The following CSMD1 variants were observed in gnomAD, a reference collection of about 807,000 sequenced individuals.
CSMD1 encodes CUB and sushi domain-containing protein 1.
CSMD1 carries 213 observed loss-of-function variants against 417.5 expected under a neutral mutation model. The observed-to-expected ratio is 0.51, with a 90% CI of 0.46 to 0.57. CSMD1 has a LOEUF of 0.57. CSMD1 is among the 20% of genes least tolerant of loss of function. The pLI is 0.00. For synonymous variants in CSMD1, 2,862 were observed against 1,736.8 expected (o/e 1.65, Z -16.11); for missense variants, 6,923 against 4,529.7 (o/e 1.53, Z -15.17).
intron 20 of CSMD1, among the ~76,000 whole-genome samples, chr8:3,365,578 G>A (rs766918784): frequency 1.9e-4 from 29 of 152,290 alleles, no homozygotes; most frequent in Non-Finnish European, 3.5e-4. Context: ...AAAAACACAT[G>A]CAGACGAACC....
At chr8:4,857,778 T>C (rs1361863424) in intron 1 of CSMD1, among the ~76,000 whole-genome samples, 1 of 151,906 alleles carries the variant, frequency 6.6e-6, no homozygotes, top group South Asian at 2.1e-4. Context: ...ATCAATAGCT[T>C]ACCAACCAAA....
intron 1 of CSMD1, among the ~76,000 whole-genome samples, chr8:4,743,382 T>C (rs563236673): frequency 5.7e-4 from 87 of 152,226 alleles, no homozygotes; most frequent in African/African-American, 1.9e-3. Flanking sequence ...GGATGGAAAT[T>C]ATCATCATGA....
intron 2 of CSMD1, among the ~76,000 whole-genome samples, chr8:4,538,401 G>C (rs945063989): frequency 6.6e-6 from 1 of 151,984 alleles, no homozygotes; most frequent in African/African-American, 2.4e-5. Flanking sequence ...CAAGCACTTT[G>C]GGAGGCCGAG....
chr8:4,158,325 C>G (rs934620827), intron 3 of CSMD1, among the ~76,000 whole-genome samples: 1 of 152,022 alleles, frequency 6.6e-6, no homozygotes, highest in African/African-American at 2.4e-5. Context: ...ATGCAATCAT[C>G]TCTACTGCAA....
intron 5 of CSMD1, among the ~76,000 whole-genome samples, chr8:3,769,520 T>C (rs1179422637): frequency 6.7e-6 from 1 of 149,862 alleles, no homozygotes; most frequent in Non-Finnish European, 1.5e-5. Context: ...AAATATAATA[T>C]CATTAAAATT....
chr8:3,745,296 C>A (rs1048731115), intron 6 of CSMD1, among the ~76,000 whole-genome samples: 1 of 152,182 alleles, frequency 6.6e-6, no homozygotes, highest in East Asian at 1.9e-4. Flanking sequence ...CAGGAAAGAA[C>A]ATGATGGTCA....
chr8:3,654,695 G>A (rs902646532), intron 7 of CSMD1, among the ~76,000 whole-genome samples: 1 of 152,194 alleles, frequency 6.6e-6, no homozygotes, highest in South Asian at 2.1e-4. Flanking sequence ...ATTCGGGTCA[G>A]AGCCAGCACA....
chr8:4,129,520 C>T (rs1454997413), intron 3 of CSMD1, among the ~76,000 whole-genome samples: 1 of 152,126 alleles, frequency 6.6e-6, no homozygotes, highest in Non-Finnish European at 1.5e-5. Context: ...TTTGCCAGGG[C>T]ATAGGAATCC....
intron 5 of CSMD1, among the ~76,000 whole-genome samples, chr8:3,911,216 C>T (rs781374994): frequency 6.6e-6 from 1 of 152,154 alleles, no homozygotes; most frequent in Non-Finnish European, 1.5e-5. Context: ...CAGCATCTCT[C>T]TTGAATGCTC....
intron 5 of CSMD1, among the ~76,000 whole-genome samples, chr8:3,942,286 T>C (rs1454495537): frequency 6.6e-6 from 1 of 152,120 alleles, no homozygotes; most frequent in East Asian, 1.9e-4. Flanking sequence ...GCTTGAATCA[T>C]CCTGAAACCA....
intron 1 of CSMD1, among the ~76,000 whole-genome samples, chr8:4,908,225 C>A (rs1426036625): frequency 6.6e-6 from 1 of 152,146 alleles, no homozygotes; most frequent in Non-Finnish European, 1.5e-5. Flanking sequence ...AAATTTGCTG[C>A]AGTGTTTATA....
chr8:4,016,540 G>T (rs942835903), intron 4 of CSMD1, among the ~76,000 whole-genome samples: 5 of 152,104 alleles, frequency 3.3e-5, no homozygotes, highest in African/African-American at 1.2e-4. Flanking sequence ...GCTATGAGAA[G>T]GAAAGAGGAG....
chr8:3,075,970 G>T (rs1813645613), intron 49 of CSMD1, among the ~76,000 whole-genome samples: 1 of 151,196 alleles, frequency 6.6e-6, no homozygotes, highest in Non-Finnish European at 1.5e-5. Context: ...AGAATGGCAT[G>T]AACCTGGGAG....
intron 2 of CSMD1, among the ~76,000 whole-genome samples, chr8:4,526,787 T>C (rs1192047344): frequency 6.6e-6 from 1 of 152,206 alleles, no homozygotes; most frequent in African/African-American, 2.4e-5. Flanking sequence ...CAACCTGAAT[T>C]TTCTTTCAAG....
intron 50 of CSMD1, among the ~76,000 whole-genome samples, chr8:3,031,957 T>C (rs1031013787): frequency 1.3e-4 from 17 of 133,780 alleles, no homozygotes; most frequent in African/African-American, 5.3e-4. Flanking sequence ...TTAGACACTA[T>C]ATGTGTGTAT....
At chr8:4,552,035 T>C (rs1276068197) in intron 2 of CSMD1, among the ~76,000 whole-genome samples, 3 of 152,126 alleles carry the variant, frequency 2.0e-5, no homozygotes, top group Non-Finnish European at 4.4e-5. Flanking sequence ...CTTTAACAGT[T>C]TAATTTCAAA....
chr8:3,318,039 G>T (rs985926922), intron 23 of CSMD1, among the ~76,000 whole-genome samples: 2 of 152,154 alleles, frequency 1.3e-5, no homozygotes, highest in African/African-American at 2.4e-5. Context: ...GGGTTCAAGT[G>T]ATCTGCCCAC....
intron 7 of CSMD1, among the ~76,000 whole-genome samples, chr8:3,621,558 C>T (rs1430665577): frequency 6.6e-6 from 1 of 151,958 alleles, no homozygotes; most frequent in Non-Finnish European, 1.5e-5. Context: ...ATATTTAAAG[C>T]CACAGAAATG....
At position 4,304,185 on chromosome 8, in the gene CSMD1, G is replaced by C. The variant is rs148928354; in HGVS notation, c.415+115768C>G. Among the ~76,000 whole-genome samples the C allele has an allele frequency of 4.6e-5, 7 of 152,242 alleles. No homozygotes were observed. The East Asian group carries it at 1.4e-3, about 29-fold the overall frequency. On this transcript the variant is annotated intron_variant, in intron 3 of 69. Transcript: ENST00000635120. ...GACATAAACCAATTCAAATTTGGGAGAATAAGCCAGTTTTGATGAAAAGAG... is the reference window on the plus strand; with the variant it reads ...GACATAAACCAATTCAAATTTGGGACAATAAGCCAGTTTTGATGAAAAGAG...
Sources: gnomAD v4.1 joint callset for allele counts (sites outside exome capture counted in the v4.1 genomes callset) on GRCh38, gnomAD v4.1.1 for gene constraint, MANE v1.5 for transcripts, NCBI Gene and HGNC (gene_info 2026-07-23, HGNC 2026-07-21) for gene names.